NRXN2: variants seen among roughly 807,000 people sequenced by gnomAD.
NRXN2 encodes neurexin 2, also known as neurexin-2-beta.
A neutral mutation model predicts 128.8 loss-of-function variants in NRXN2; 29 were observed. That is an observed-to-expected ratio of 0.23 (90% CI 0.17 to 0.31). The LOEUF (loss-of-function observed/expected upper bound fraction) is 0.31, where lower values mean the gene tolerates loss of function less well. Among genes scored for constraint, NRXN2 ranks in the 10% least tolerant of loss-of-function variants. NRXN2 has a pLI of 1.00. For synonymous variants in NRXN2, 1,098 were observed against 1,075.2 expected, an observed-to-expected ratio of 1.02 and a Z score of -0.41; for missense variants, 1,881 against 2,452.6, an observed-to-expected ratio of 0.77 and a Z score of 4.92.
Position 64,660,650 on chromosome 11 carries a change from C to T in NRXN2, c.2185+103G>A. On this transcript the variant is annotated intron_variant, in intron 10 of 22. Transcript: ENST00000265459. The surrounding 1 kb of genome is among the most constrained non-coding windows in gnomAD (Gnocchi z 5.2). ...GCCTAGGGCAGGTCTATGAGGGGTT[C>T]CCCTAGGAGGAGGTGGCACAGGGAT... is the stretch of plus-strand genomic sequence containing the variant. The T allele has an allele frequency of 6.3e-7, 1 of 1,589,990 alleles. No homozygotes were observed. The highest frequency in any genetic ancestry group is 8.6e-7 in the Non-Finnish European group (1 of 1,167,828).
chr11:64,657,076 C>G (rs1330140676), intron 11 of NRXN2, among the ~76,000 whole-genome samples: 1 of 152,200 alleles, frequency 6.6e-6, no homozygotes, highest in Non-Finnish European at 1.5e-5. Context: ...GGAGCAATAG[C>G]TTCCCTCTAC....
chr11:64,692,528 A>G (rs1275607319), intron 4 of NRXN2, among the ~76,000 whole-genome samples: 2 of 152,210 alleles, frequency 1.3e-5, no homozygotes, highest in Non-Finnish European at 2.9e-5. Flanking sequence ...AAAACGCAAA[A>G]AAAGGGTGAC....
intron 6 of NRXN2, among the ~76,000 whole-genome samples, chr11:64,682,500 T>A (rs2052454758): frequency 6.6e-6 from 1 of 151,234 alleles, no homozygotes. Flanking sequence ...GCGGACCGCA[T>A]CTTTGAGGGA....
At chr11:64,662,470 A>G (rs1271510113) in intron 9 of NRXN2, among the ~76,000 whole-genome samples, 1 of 152,106 alleles carries the variant, frequency 6.6e-6, no homozygotes. Flanking sequence ...TCCTTTTTCA[A>G]GTTTGGAAGA....
intron 7 of NRXN2, among the ~76,000 whole-genome samples, chr11:64,668,996 C>T (rs1014395687): frequency 6.6e-6 from 1 of 152,118 alleles, no homozygotes; most frequent in African/African-American, 2.4e-5. Flanking sequence ...CACTTTTCTT[C>T]TCCTGAAGGT....
chr11:64,687,489 T>G (rs1056946786), intron 5 of NRXN2, among the ~76,000 whole-genome samples: 19 of 152,108 alleles, frequency 1.2e-4, no homozygotes, highest in African/African-American at 4.3e-4. Flanking sequence ...CAAGGCCCGG[T>G]TTCCTGAGGC....
rs2043696156 is a variant in NRXN2, at chr11:64,630,280, GC to G, written c.3757+121del. Reference sequence around the variant, plus strand: ...CAAGCTTCGTCTCTCCAGTAGCCCCGCCCCAGAGCCGCTTAGCCCCGCCCCA... The same window carrying G: ...CAAGCTTCGTCTCTCCAGTAGCCCCGCCCAGAGCCGCTTAGCCCCGCCCCA... On this transcript the variant is annotated intron_variant, in intron 19 of 22. Transcript: ENST00000265459. The surrounding 1 kb of genome is among the most constrained non-coding windows in gnomAD (Gnocchi z 4.6). 2 of 910,508 alleles carry G rather than the reference GC, an allele frequency of 2.2e-6. No individual in the cohort carries two copies. The highest frequency in any genetic ancestry group is 3.2e-6 in the Non-Finnish European group (2 of 627,784). 56.4% of individuals were successfully genotyped at this position (910,508 alleles called of 1,614,324 possible).
At position 64,653,756 on chromosome 11, in the gene NRXN2, G is replaced by A. The variant is rs776735321; in HGVS notation, c.2390-34C>T. The A allele has an allele frequency of 2.0e-6, 3 of 1,522,102 alleles. No individual in the cohort carries two copies. In the South Asian group the frequency reaches 3.7e-5, roughly 19 times the overall value. 94.3% of individuals were successfully genotyped at this position (1,522,102 alleles called of 1,614,324 possible). ...GCCATGGGGCGGGCAGAGGGGAAGG[G>A]GAGACAAAAAGGTAAAACAAGTTTT... On this transcript the variant is annotated intron_variant, in intron 11 of 22. Coordinates refer to ENST00000265459, the MANE Select transcript of NRXN2 (RefSeq NM_015080.4).
chr11:64,669,445 G>C (rs2050335808), intron 7 of NRXN2, among the ~76,000 whole-genome samples: 2 of 152,204 alleles, frequency 1.3e-5, no homozygotes, highest in Admixed American at 6.5e-5. Context: ...GTCAGGGCCA[G>C]CTTAGGGAAC....
Position 64,714,750 on chromosome 11 carries a change from C to A in NRXN2, c.-244-807G>T, listed in dbSNP as rs963422787. 6.6e-6 allele frequency among the ~76,000 whole-genome samples: 1 copy of A among 152,132 alleles called. No homozygotes were observed. The highest frequency in any genetic ancestry group is 6.5e-5 in the Admixed American group (1 of 15,280). Reference sequence around the variant, plus strand: ...CCCTCAGTTCCCTCTGCCCACCCCCCACCCAAGATTGGGGGAGCCACCAGG... The same window carrying A: ...CCCTCAGTTCCCTCTGCCCACCCCCAACCCAAGATTGGGGGAGCCACCAGG... On this transcript the variant is annotated intron_variant, in intron 1 of 22. Transcript: ENST00000265459. This position sits in a 1 kb window ranked among gnomAD's most constrained non-coding sequence, Gnocchi z 4.5.
chr11:64,712,124 T>C (rs921724553), intron 2 of NRXN2, among the ~76,000 whole-genome samples: 1 of 151,946 alleles, frequency 6.6e-6, no homozygotes, highest in Non-Finnish European at 1.5e-5. Context: ...GCCCCCTGTC[T>C]CGTAGGCCCT....
chr11:64,625,613 C>G (rs1465433907), intron 20 of NRXN2, among the ~76,000 whole-genome samples: 2 of 152,112 alleles, frequency 1.3e-5, no homozygotes, highest in African/African-American at 4.8e-5. Context: ...AGTTCTACTT[C>G]CCCCCTAGAG....
Position 64,650,590 on chromosome 11 carries a change from C to G in NRXN2, c.2967G>C (p.Lys989Asn). ...FDLGNGPSLM[K>N]GNSDKPVNDN... Reference sequence around the variant, plus strand: ...CATTGACTGGTTTGTCTGAGTTCCCCTTCATCAAGGACGGGCCATTCCCCA... The same window carrying G: ...CATTGACTGGTTTGTCTGAGTTCCCGTTCATCAAGGACGGGCCATTCCCCA... Residue 989 changes from lysine (K) to asparagine (N), a missense_variant, in exon 15 of 23, where the codon AAG (lysine) becomes AAC (asparagine). Lys to Asn is a moderately conservative substitution (Grantham distance 94, BLOSUM62 0). This residue lies in a region of NRXN2 where 390 missense variants were observed against 599.6 expected (regional missense o/e 0.65). Transcript: ENST00000265459. The G allele has an allele frequency of 6.2e-7, 1 of 1,614,178 alleles. No homozygotes were observed. Among genetic ancestry groups the G allele is most frequent in the Non-Finnish European group, 8.5e-7 (1 of 1,180,044 alleles).
chr11:64,615,370 T>C (rs1254133716), intron 22 of NRXN2, among the ~76,000 whole-genome samples: 1 of 152,260 alleles, frequency 6.6e-6, no homozygotes, highest in Non-Finnish European at 1.5e-5. Flanking sequence ...AACCAATAGA[T>C]GTTGTCTATT....
rs2039634654 is a variant in NRXN2, at chr11:64,606,325, G to C, written c.*871C>G. 1 of 152,588 alleles carries C rather than the reference G, an allele frequency of 6.6e-6. No homozygotes were observed. 9.5% of individuals were successfully genotyped at this position (152,588 alleles called of 1,614,324 possible). ...AAAGAAGTGACCCCAGCAGTCTGTG[G>C]ACAATGCCTTGCTCCCTCTTCCCTG... On this transcript the variant is annotated 3_prime_UTR_variant, in exon 23 of 23. Transcript: ENST00000265459.
intron 15 of NRXN2, among the ~76,000 whole-genome samples, 164 bp from the exon 16 acceptor site, chr11:64,649,071 C>G (rs578025795): frequency 4.6e-4 from 70 of 152,278 alleles, no homozygotes; most frequent in East Asian, 5.8e-4. Context: ...CCGCACCCCC[C>G]CAACACACTT....
chr11:64,683,113 C>T (rs1016857058), intron 6 of NRXN2, among the ~76,000 whole-genome samples: 11 of 152,162 alleles, frequency 7.2e-5, no homozygotes, highest in African/African-American at 2.7e-4. Context: ...CCATTCTAAT[C>T]AAATGAGAAA....
In NRXN2 at chr11:64,622,638, G is replaced by T; in HGVS notation, c.4173+115C>A. The T allele has an allele frequency of 7.0e-7, 1 of 1,430,272 alleles. No homozygotes were observed. The highest frequency in any genetic ancestry group is 9.4e-7 in the Non-Finnish European group (1 of 1,060,472). The allele number at this position is 1,430,272 out of a possible 1,614,324, so 88.6% of individuals were successfully genotyped here. Reference sequence around the variant, plus strand: ...CAAAGTCAGCGACAGCAGCCTTCAGGATCCCAACAGACCCCTTGGACCCTC... The same window carrying T: ...CAAAGTCAGCGACAGCAGCCTTCAGTATCCCAACAGACCCCTTGGACCCTC... On this transcript the variant is annotated intron_variant, in intron 21 of 22. Coordinates refer to ENST00000265459, the MANE Select transcript of NRXN2 (RefSeq NM_015080.4). The surrounding 1 kb of genome is among the most constrained non-coding windows in gnomAD (Gnocchi z 4.3).
intron 11 of NRXN2, among the ~76,000 whole-genome samples, chr11:64,657,167 G>A (rs1245007255): frequency 1.3e-5 from 2 of 152,064 alleles, no homozygotes; most frequent in Non-Finnish European, 2.9e-5. Flanking sequence ...CCAGGCCTGG[G>A]GCCTTGGTGT....
Sources: allele counts gnomAD v4.1 joint callset (sites outside exome capture counted in the v4.1 genomes callset), GRCh38; gene constraint gnomAD v4.1.1; regional missense constraint gnomAD v4.1.1; non-coding constraint Gnocchi (gnomAD v3.1); transcripts MANE v1.5; gene names NCBI Gene and HGNC (gene_info 2026-07-23, HGNC 2026-07-21).